Variants in HELZ observed in about 807,000 individuals in gnomAD.
The protein encoded by HELZ is ATP-dependent RNA helicase with zinc finger domain.
HELZ carries 23 observed loss-of-function variants against 218.2 expected under a neutral mutation model. The observed-to-expected ratio is 0.11, with a 90% CI of 0.08 to 0.15. HELZ has a LOEUF of 0.15. HELZ is among the 10% of genes least tolerant of loss of function. The pLI is 1.00. For synonymous variants in HELZ, 814 were observed against 829.4 expected (o/e 0.98, Z 0.32); for missense variants, 1,813 against 2,353.7 (o/e 0.77, Z 4.75).
At chr17:67,126,132 G>C (rs1428957061) in intron 24 of HELZ, among the ~76,000 whole-genome samples, 1 of 152,168 alleles carries the variant, frequency 6.6e-6, no homozygotes, top group Non-Finnish European at 1.5e-5. Context: ...TGCTGGCCTT[G>C]AGAAGCCCAG....
chr17:67,224,205 G>C (rs988336836), intron 3 of HELZ: 7 of 155,438 alleles, frequency 4.5e-5, no homozygotes, highest in Non-Finnish European at 1.0e-4. Flanking sequence ...CATGAGACTC[G>C]CTGAGGCTTC....
In HELZ at chr17:67,235,277, C is replaced by T. The variant is rs150273307; in HGVS notation, c.-19+4156G>A. On this transcript the variant is annotated intron_variant, in intron 3 of 32. Coordinates refer to ENST00000358691, the MANE Select transcript of HELZ (RefSeq NM_014877.4). ...ATCCCAGCACTTTGGGAGGCCAAGG[C>T]GGGTGGATCACGAGGTCAGAAGTTC... Among the ~76,000 whole-genome samples, 601 of 152,080 alleles carry T rather than the reference C, an allele frequency of 4.0e-3. 3 individuals are homozygous for T. The highest frequency in any genetic ancestry group is 0.013 in the African/African-American group (535 of 41,470).
At chr17:67,231,576 G>A (rs1190031155) in intron 3 of HELZ, among the ~76,000 whole-genome samples, 7 of 144,374 alleles carry the variant, frequency 4.8e-5, no homozygotes, top group Non-Finnish European at 1.5e-5. Context: ...CTGGGTGACA[G>A]AGCCAGACTC....
At chr17:67,138,278 CTGAA>C (rs1471302759) in intron 21 of HELZ, among the ~76,000 whole-genome samples, 164 bp from the exon 22 acceptor site, 1 of 150,094 alleles carries the variant, frequency 6.7e-6, no homozygotes, top group African/African-American at 2.4e-5. Flanking sequence ...CTGATGTGAA[CTGAA>C]TGAGAATATA....
chr17:67,106,887 T>TA (rs914235620), intron 31 of HELZ, among the ~76,000 whole-genome samples: 6 of 152,064 alleles, frequency 3.9e-5, no homozygotes, highest in African/African-American at 1.4e-4. Flanking sequence ...TTCCTCAGAT[T>TA]AAAAAAAGAC....
chr17:67,193,606 C>T (rs2144311476), intron 9 of HELZ, among the ~76,000 whole-genome samples: 1 of 152,236 alleles, frequency 6.6e-6, no homozygotes, highest in East Asian at 1.9e-4. Context: ...ATCCCAGATA[C>T]TCAGGAGGCT....
At chr17:67,117,994 T>A (rs1027790767) in intron 27 of HELZ, among the ~76,000 whole-genome samples, 2 of 152,174 alleles carry the variant, frequency 1.3e-5, no homozygotes. Flanking sequence ...AAACACAATG[T>A]CAATCCAAAT....
chr17:67,220,372 G>A (rs1386234298), intron 3 of HELZ, among the ~76,000 whole-genome samples: 3 of 152,160 alleles, frequency 2.0e-5, no homozygotes, highest in Non-Finnish European at 2.9e-5. Flanking sequence ...ATGAGATAAG[G>A]GAGAGTTCAA....
chr17:67,167,860 G>C (rs2039192935), intron 13 of HELZ, 64 bp from the exon 14 acceptor site: 1 of 1,067,384 alleles, frequency 9.4e-7, no homozygotes, highest in Admixed American at 2.3e-5. Flanking sequence ...AACTAGAAGA[G>C]TGAAACAAAG....
At position 67,075,583 on chromosome 17, in the gene HELZ, G is replaced by A. The variant is rs555437991; in HGVS notation, c.*2669C>T. On this transcript the variant is annotated 3_prime_UTR_variant, in exon 33 of 33. Transcript: ENST00000358691. ...GTACTCAGAAGACACGCCTCATTTT[G>A]ATGGAAACTTGCAATGATTCTTACA... 1.3e-5 allele frequency: 2 copies of A among 152,300 alleles called. No individual in the cohort carries two copies. Among genetic ancestry groups the A allele is most frequent in the South Asian group, 2.1e-4 (1 of 4,826 alleles). The allele number at this position is 152,300 out of a possible 1,614,324, so 9.4% of individuals were successfully genotyped here.
chr17:67,181,867 C>T (rs1326501791), intron 12 of HELZ, among the ~76,000 whole-genome samples: 2 of 152,174 alleles, frequency 1.3e-5, no homozygotes, highest in African/African-American at 4.8e-5. Context: ...GAATTTGAGT[C>T]AAACTTCCAG....
At chr17:67,166,757 G>T (rs1424584477) in intron 14 of HELZ, 149 bp from the exon 15 acceptor site, 3 of 630,000 alleles carry the variant, frequency 4.8e-6, no homozygotes, top group African/African-American at 3.7e-5. Context: ...TAATTATGAT[G>T]AATAATATTT....
At chr17:67,220,272 A>C (rs557677528) in intron 3 of HELZ, among the ~76,000 whole-genome samples, 1 of 152,346 alleles carries the variant, frequency 6.6e-6, no homozygotes, top group East Asian at 1.9e-4. Flanking sequence ...AGAGAGCAGC[A>C]GGAGGCAAGA....
At position 67,107,415 on chromosome 17, in the gene HELZ, T is replaced by C; in HGVS notation, c.4995A>G (p.Pro1665=). 1 of 1,614,174 alleles carries C rather than the reference T, an allele frequency of 6.2e-7. No individual in the cohort carries two copies. Among genetic ancestry groups the C allele is most frequent in the Non-Finnish European group, 8.5e-7 (1 of 1,180,016 alleles). ...AGGGAGGAGGGGCAAGGTGTTCAGA[T>C]GGCAACGAGAAAGGTGAGTTGAATA... The part of the protein sequence containing the change: ...PQIFNSPFSL[P]SEHLAPPPLK... Residue 1665 remains proline (P), a synonymous_variant, in exon 31 of 33, where the codon CCA becomes CCG. Coordinates refer to ENST00000358691, the MANE Select transcript of HELZ (RefSeq NM_014877.4).
intron 32 of HELZ, among the ~76,000 whole-genome samples, 198 bp downstream of exon 32, chr17:67,086,631 A>AATATAAATATATATATATATATAT (rs914625902): frequency 4.3e-5 from 4 of 93,292 alleles, no homozygotes; most frequent in African/African-American, 1.4e-4. Flanking sequence ...TATAAATATA[A>AATATAAATATATATATATATATAT]ATATATATAT....
chr17:67,114,091 T>A (rs2037361313), intron 28 of HELZ, among the ~76,000 whole-genome samples: 1 of 152,188 alleles, frequency 6.6e-6, no homozygotes, highest in African/African-American at 2.4e-5. Flanking sequence ...AATCTCTAAA[T>A]TCAATTTTAT....
chr17:67,131,594 A>ATGCTTT (rs2037986647), intron 23 of HELZ, among the ~76,000 whole-genome samples: 1 of 152,146 alleles, frequency 6.6e-6, no homozygotes, highest in Non-Finnish European at 1.5e-5. Context: ...CAAAATGGTA[A>ATGCTTT]AGCACATGGA....
At chr17:67,190,757 C>T (rs1397684056) in intron 9 of HELZ, among the ~76,000 whole-genome samples, 3 of 152,222 alleles carry the variant, frequency 2.0e-5, no homozygotes, top group South Asian at 4.1e-4. Flanking sequence ...GTTGCCCAGG[C>T]TGGAGTGCAG....
intron 17 of HELZ, among the ~76,000 whole-genome samples, chr17:67,151,583 AGAACGT>A (rs1246201847): frequency 2.0e-5 from 3 of 152,194 alleles, no homozygotes; most frequent in Non-Finnish European, 1.5e-5. Flanking sequence ...ATCTTTTTCT[AGAACGT>A]TCTTACAAAA....
Sources: allele counts gnomAD v4.1 joint callset (sites outside exome capture counted in the v4.1 genomes callset), GRCh38; gene constraint gnomAD v4.1.1; transcripts MANE v1.5; gene names NCBI Gene and HGNC (gene_info 2026-07-23, HGNC 2026-07-21).